SLC25A22: variants seen among roughly 807,000 people sequenced by gnomAD.
SLC25A22 encodes the protein mitochondrial glutamate carrier 1.
Under a neutral mutation model 33.7 loss-of-function variants are expected in SLC25A22, and 23 were observed. That is an observed-to-expected ratio of 0.68 (90% confidence interval 0.49 to 0.97). The LOEUF is 0.97. Ranked by LOEUF, SLC25A22 falls within the 50% of genes least tolerant of loss-of-function variation. The pLI is 0.00. For missense variants in SLC25A22, 390 were observed against 451.1 expected, an observed-to-expected ratio of 0.86 and a Z score of 1.23; for synonymous variants, 245 against 203.8, an observed-to-expected ratio of 1.20 and a Z score of -1.72.
At chr11:797,794 T>G in intron 1 of SLC25A22, 1 of 398,620 alleles carries the variant, frequency 2.5e-6, no homozygotes, top group Non-Finnish European at 4.4e-6. Context: ...TGGGGGCCGC[T>G]CTCTGCGCTC....
At position 794,991 on chromosome 11, in the gene SLC25A22, T is replaced by C. The variant is rs1362967882; in HGVS notation, c.16A>G (p.Ile6Val). 1 of 1,558,874 alleles carries C rather than the reference T, an allele frequency of 6.4e-7. No individual in the cohort carries two copies. Among genetic ancestry groups the C allele is most frequent in the Admixed American group, 1.9e-5 (1 of 51,406 alleles). ...CAGCCAGGACTGGAGTCTGACCTGATCTGCTTATCAGCCATTTAACTCGAT... is the reference window on the plus strand; with the variant it reads ...CAGCCAGGACTGGAGTCTGACCTGACCTGCTTATCAGCCATTTAACTCGAT... MADKQISLPAKLINGG... is the reference protein window; with the variant it reads MADKQVSLPAKLINGG... The change falls in exon 2 of 10, where the codon ATC (isoleucine) becomes GTC (valine). Residue 6 changes from isoleucine to valine, a missense_variant. Transcript: ENST00000628067.
In SLC25A22 at chr11:792,747, T is replaced by TG. The variant is rs1864601686; in HGVS notation, c.413-21dup. 1 of 1,544,844 alleles carries TG rather than the reference T, an allele frequency of 6.5e-7. No homozygotes were observed. The highest frequency in any genetic ancestry group is 1.9e-5 in the Admixed American group (1 of 51,454). On this transcript the variant is annotated intron_variant, in intron 6 of 9. Transcript: ENST00000628067. ...GGGCGGCTGGGGACAAAGAGGCTGCTGTCTCCTCTTCTGTGCGAACTGGGC... is the reference window on the plus strand; with the variant it reads ...GGGCGGCTGGGGACAAAGAGGCTGCTGGTCTCCTCTTCTGTGCGAACTGGGC...
At chr11:794,264 C>T (rs1026131977) in intron 4 of SLC25A22, 194 bp downstream of exon 4, 22 of 740,922 alleles carry the variant, frequency 3.0e-5, no homozygotes, top group Non-Finnish European at 3.8e-5. Flanking sequence ...GGAGCTGCCA[C>T]GGGAGAGGCT....
rs1412709919 is a variant in SLC25A22 at position 792,816 on chromosome 11, G to A, written c.412+54C>T. The A allele has an allele frequency of 4.1e-5, 52 of 1,267,942 alleles. No individual in the cohort carries two copies. The East Asian group carries it at 5.7e-4, about 14-fold the overall frequency. The allele number at this position is 1,267,942 out of a possible 1,614,324, so 78.5% of individuals were successfully genotyped here. A position where few individuals can be genotyped will look rare whatever the true frequency, so the allele number is the denominator to read the frequency against. On this transcript the variant is annotated intron_variant, in intron 6 of 9. Transcript: ENST00000628067. ...CTCCCTGCGTCCCCACCCTCCCCTC[G>A]CCCTCACCTCTTCCCGCACCTCTGC...
chr11:792,455 A>G lies in SLC25A22; in HGVS notation c.591T>C (p.Asp197=), dbSNP rs1006751984. ...GGAAGTACACCACAGAGAAGGGGAC[A>G]TCCCTGTGGGGAGGGAGGTGGCCGT... The part of the protein sequence containing the change: ...YKGLGATLLR[D]VPFSVVYFPL... Residue 197 remains aspartate, a synonymous_variant, in exon 8 of 10, where the codon GAT becomes GAC. Transcript: ENST00000628067. 3 of 1,613,128 alleles carry G rather than the reference A, an allele frequency of 1.9e-6. No individual in the cohort carries two copies. The African/African-American group carries it at 4.0e-5, about 22-fold the overall frequency.
Position 792,662 on chromosome 11 carries a change from C to A in SLC25A22, c.478G>T (p.Val160Leu). The A allele has an allele frequency of 6.4e-7, 1 of 1,570,902 alleles. No homozygotes were observed. ...GGCCGAGGGGCAGCTGGAGCCTCCACTGAGGGCTGGGCACCCCCCTGGGCC... is the reference window on the plus strand; with the variant it reads ...GGCCGAGGGGCAGCTGGAGCCTCCAATGAGGGCTGGGCACCCCCCTGGGCC... The part of the protein sequence containing the change: ...LSAQGGAQPS[V>L]EAPAAPRPTA... Residue 160 changes from valine (V) to leucine (L), a missense_variant, in exon 7 of 10, where the codon GTG (valine) becomes TTG (leucine). Physicochemically the swap from Val to Leu is conservative, Grantham distance 32. Coordinates refer to ENST00000628067, the MANE Select transcript of SLC25A22 (RefSeq NM_001191061.2).
rs760124280 is a variant in SLC25A22 at position 792,362 on chromosome 11, G to A, written c.684C>T (p.Ser228=). Residue 228 remains serine (S), a synonymous_variant, in exon 8 of 10, where the codon TCC becomes TCT. Transcript: ENST00000628067. ...ASEEKSPFYV[S]FLAGCVAGSA... is the part of the protein sequence containing the mutation. Reference sequence around the variant, plus strand: ...TCCCAGCCACACAGCCGGCCAGGAAGGACACGTAGAAAGGCGACTTCTCCT... The same window carrying A: ...TCCCAGCCACACAGCCGGCCAGGAAAGACACGTAGAAAGGCGACTTCTCCT... 3 of 1,613,282 alleles carry A rather than the reference G, an allele frequency of 1.9e-6. No individual in the cohort carries two copies. In the South Asian group the frequency reaches 3.3e-5, roughly 18 times the overall value.
At chr11:796,545 G>C (rs1251548568) in intron 1 of SLC25A22, among the ~76,000 whole-genome samples, 2 of 152,142 alleles carry the variant, frequency 1.3e-5, no homozygotes, top group African/African-American at 2.4e-5. Flanking sequence ...TCTAGGGCTG[G>C]TACTCTGAGA....
Position 792,328 on chromosome 11 carries a change from CG to C in SLC25A22, c.717del (p.Ala240LeufsTer10). 1 of 1,613,112 alleles carries C rather than the reference CG, an allele frequency of 6.2e-7. No homozygotes were observed. Among genetic ancestry groups the C allele is most frequent in the Non-Finnish European group, 8.5e-7 (1 of 1,179,932 alleles). ...FLAGCVAGSA[A>X]AVAVNPCDVV... ...CCATCACAGGGGTTGACGGCCACAG[CG>C]GCGGCACTCCCAGCCACACAGCCGG... On this transcript the variant is annotated frameshift_variant, in exon 8 of 10. Transcript: ENST00000628067. LOFTEE classifies it high-confidence loss of function.
chr11:792,558 C>G lies in SLC25A22; in HGVS notation c.582G>C (p.Leu194=). Residue 194 remains leucine, a synonymous_variant, in exon 7 of 10, where the codon CTG becomes CTC. Transcript: ENST00000628067. ...ACCTGCCCTGTGCCTCCTACCTGAGCAGCGTGGCCCCGAGTCCCTTGTAGA... is the reference window on the plus strand; with the variant it reads ...ACCTGCCCTGTGCCTCCTACCTGAGGAGCGTGGCCCCGAGTCCCTTGTAGA... ...AGLYKGLGAT[L]LRDVPFSVVY... 6.2e-7 allele frequency: 1 copy of G among 1,612,326 alleles called. No homozygotes were observed. The highest frequency in any genetic ancestry group is 1.7e-4 in the Middle Eastern group (1 of 6,060).
Position 795,099 on chromosome 11 carries a change from G to C in SLC25A22, c.-93C>G, listed in dbSNP as rs886048699. The C allele has an allele frequency of 5.3e-4, 757 of 1,432,664 alleles. 2 individuals are homozygous for C. Among genetic ancestry groups the C allele is most frequent in the Non-Finnish European group, 7.0e-4 (737 of 1,048,668 alleles). The allele number at this position is 1,432,664 out of a possible 1,614,324, so 88.7% of individuals were successfully genotyped here. On this transcript the variant is annotated 5_prime_UTR_variant, in exon 2 of 10. Transcript: ENST00000628067. ...GTGGAGGAGGCCTTGAGGGAGGGTG[G>C]GACCCAGGGGGGTTGGGTGGTGCTC... is the stretch of plus-strand genomic sequence containing the variant.
chr11:793,820 T>C (rs1210555905), intron 4 of SLC25A22: 5 of 611,556 alleles, frequency 8.2e-6, no homozygotes, highest in Non-Finnish European at 1.5e-5. Context: ...AGGCTCAGGC[T>C]CTCCCATGCC....
In SLC25A22 at chr11:791,750, G is replaced by T. The variant is rs934978871; in HGVS notation, c.*165C>A. 1.4e-5 allele frequency: 13 copies of T among 898,434 alleles called. No individual in the cohort carries two copies. The Admixed American group carries it at 3.2e-4, about 22-fold the overall frequency. The allele number at this position is 898,434 out of a possible 1,614,324, so 55.7% of individuals were successfully genotyped here. On this transcript the variant is annotated 3_prime_UTR_variant, in exon 10 of 10. Transcript: ENST00000628067. Reference sequence around the variant, plus strand: ...AACGGTGCAGGCAGCACCCCGGGGGGCTTGCGTGTGCACCACCTATGTGGA... The same window carrying T: ...AACGGTGCAGGCAGCACCCCGGGGGTCTTGCGTGTGCACCACCTATGTGGA...
chr11:794,016 C>T (rs935890152), intron 4 of SLC25A22: 18 of 465,390 alleles, frequency 3.9e-5, no homozygotes, highest in Admixed American at 2.0e-4. Context: ...GGCCAGAGCT[C>T]GGGGGAGGCT....
At position 793,517 on chromosome 11, in the gene SLC25A22, C is replaced by A; in HGVS notation, c.293+12G>T. On this transcript the variant is annotated intron_variant, in intron 5 of 9. Transcript: ENST00000628067. ...AAAGACCCCTCGAGTGTCTGCCAGG[C>A]AGAACCCTCACCCGTCCTTAGAGAG... is the stretch of plus-strand genomic sequence containing the variant. The A allele has an allele frequency of 1.2e-6, 2 of 1,613,338 alleles. No homozygotes were observed. Among genetic ancestry groups the A allele is most frequent in the South Asian group, 1.1e-5 (1 of 91,066 alleles).
chr11:794,975 C>G lies in SLC25A22; in HGVS notation c.20+12G>C. On this transcript the variant is annotated intron_variant, in intron 2 of 9. Transcript: ENST00000628067. ...GTGGGGGTGAGGCACGCAGCCAGGACTGGAGTCTGACCTGATCTGCTTATC... is the reference window on the plus strand; with the variant it reads ...GTGGGGGTGAGGCACGCAGCCAGGAGTGGAGTCTGACCTGATCTGCTTATC... 1 of 1,560,970 alleles carries G rather than the reference C, an allele frequency of 6.4e-7. No homozygotes were observed. The highest frequency in any genetic ancestry group is 8.7e-7 in the Non-Finnish European group (1 of 1,152,636).
rs532972566 is a variant in SLC25A22 at position 793,762 on chromosome 11, G to C, written c.203-143C>G. 145 of 672,242 alleles carry C rather than the reference G, an allele frequency of 2.2e-4. 1 individual carries two copies. The African/African-American group carries it at 2.5e-3, about 12-fold the overall frequency. 41.6% of individuals were successfully genotyped at this position (672,242 alleles called of 1,614,324 possible). A position where few individuals can be genotyped will look rare whatever the true frequency, so the allele number is the denominator to read the frequency against. ...TGTTCTCTCACCCACATTTGGGCCT[G>C]GTGTGTGCCAGGTGGGGCGGGGCCA... On this transcript the variant is annotated intron_variant, in intron 4 of 9. Transcript: ENST00000628067.
Position 792,611 on chromosome 11 carries a change from G to A in SLC25A22, c.529C>T (p.Leu177=), listed in dbSNP as rs757171068. 1.7e-5 allele frequency: 28 copies of A among 1,607,510 alleles called. No individual in the cohort carries two copies. Among genetic ancestry groups the A allele is most frequent in the Non-Finnish European group, 2.2e-5 (26 of 1,177,880 alleles). Residue 177 remains leucine (L), a synonymous_variant, in exon 7 of 10, where the codon CTG becomes TTG. Transcript: ENST00000628067. ...RPTATQLTRD[L]LRSRGIAGLY... is the part of the protein sequence containing the mutation. ...CCGGCAATGCCACGGCTCCGCAGCAGGTCGCGGGTCAGCTGGGTGGCCGTG... is the reference window on the plus strand; with the variant it reads ...CCGGCAATGCCACGGCTCCGCAGCAAGTCGCGGGTCAGCTGGGTGGCCGTG...
intron 1 of SLC25A22, among the ~76,000 whole-genome samples, chr11:795,864 G>GGGA (rs1792373974): frequency 6.6e-6 from 1 of 152,008 alleles, no homozygotes; most frequent in Admixed American, 6.6e-5. Flanking sequence ...GAGGCCCCCT[G>GGGA]TGGCTGGCAC....
Sources: allele counts gnomAD v4.1 joint callset (sites outside exome capture counted in the v4.1 genomes callset), GRCh38; gene constraint gnomAD v4.1.1; transcripts MANE v1.5; gene names NCBI Gene and HGNC (gene_info 2026-07-23, HGNC 2026-07-21).